Variants in CMTM4 observed in about 807,000 individuals in gnomAD.
CMTM4 encodes CKLF-like MARVEL transmembrane domain-containing protein 4.
A neutral mutation model predicts 19.0 loss-of-function variants in CMTM4; 8 were observed. That is an observed-to-expected ratio of 0.42 (90% CI 0.25 to 0.76). The LOEUF (loss-of-function observed/expected upper bound fraction) is 0.76. Ranked by LOEUF, CMTM4 falls within the 30% of genes least tolerant of loss-of-function variation. The pLI is 0.27. For missense variants in CMTM4, 228 were observed against 290.2 expected (o/e 0.79, Z 1.56); for synonymous variants, 106 against 121.1 (o/e 0.88, Z 0.82).
chr16:66,623,563 A>G, intron 2 of CMTM4, 61 bp from the exon 3 acceptor site: 2 of 1,238,444 alleles, frequency 1.6e-6, no homozygotes, highest in South Asian at 2.7e-5. Flanking sequence ...CTCTAAAAGC[A>G]ACTGGAGAAC....
downstream of CMTM4, chr16:66,612,705 T>C (rs2015426874): frequency 2.0e-6 from 3 of 1,513,986 alleles, no homozygotes; most frequent in Non-Finnish European, 2.7e-6. This position sits in a 1 kb window ranked among gnomAD's most constrained non-coding sequence, Gnocchi z 6.0. Context: ...CAGGGGTCGC[T>C]GGCGTTGGAG....
chr16:66,690,957 T>C (rs1026236219), intron 1 of CMTM4, among the ~76,000 whole-genome samples: 1 of 145,152 alleles, frequency 6.9e-6, no homozygotes, highest in African/African-American at 2.5e-5. Flanking sequence ...TCTACAAAAA[T>C]AAAAAAAAAA....
At chr16:66,688,482 G>T (rs758140375) in intron 1 of CMTM4, among the ~76,000 whole-genome samples, 1 of 151,718 alleles carries the variant, frequency 6.6e-6, no homozygotes, top group African/African-American at 2.4e-5. Flanking sequence ...TCTCATGGCC[G>T]ATAAGAGATA....
chr16:66,627,286 C>T (rs1326760707), intron 2 of CMTM4, among the ~76,000 whole-genome samples: 1 of 152,114 alleles, frequency 6.6e-6, no homozygotes, highest in Non-Finnish European at 1.5e-5. Context: ...AATGAAAAAG[C>T]ATGATTTTAA....
intron 1 of CMTM4, among the ~76,000 whole-genome samples, chr16:66,692,842 G>T (rs1315777903): frequency 6.6e-6 from 1 of 151,712 alleles, no homozygotes; most frequent in African/African-American, 2.4e-5. Context: ...GGGAGGTGGA[G>T]GCTGCAGTGA....
rs950891715 is a variant in CMTM4 at position 66,674,434 on chromosome 16, G to A, written c.186+21906C>T. ...CAGATGGTCACAAAGGCCCCTCGGTGCACACACCCAGACAGGGACAACTAC... is the reference window on the plus strand; with the variant it reads ...CAGATGGTCACAAAGGCCCCTCGGTACACACACCCAGACAGGGACAACTAC... On this transcript the variant is annotated intron_variant, in intron 1 of 3. Coordinates refer to ENST00000394106, the MANE Select transcript of CMTM4 (RefSeq NM_181521.3). Among the ~76,000 whole-genome samples, 14 of 152,262 alleles carry A rather than the reference G, an allele frequency of 9.2e-5. No homozygotes were observed. The South Asian group carries it at 2.7e-3, about 29-fold the overall frequency.
the CMTM4 span, among the ~76,000 whole-genome samples, chr16:66,601,105 G>GTA: frequency 2.1e-5 from 3 of 145,100 alleles, no homozygotes; most frequent in African/African-American, 5.4e-5. Context: ...GTGTGTGTGT[G>GTA]TCTGTGTGTG....
Position 66,621,151 on chromosome 16 carries a change from TGTGTGCATGTGTGCGCGCACGC to T in CMTM4, c.*885_*906del. ...CACATCCCTAAAATAGAGGGGTGTG[TGTGTGCATGTGTGCGCGCACGC>T]GTGTGCATGCTGTTTTTTAACACAA... On this transcript the variant is annotated 3_prime_UTR_variant, in exon 4 of 4. Transcript: ENST00000394106. The T allele has an allele frequency of 1.0e-6, 1 of 985,762 alleles. No individual in the cohort carries two copies. Among genetic ancestry groups the T allele is most frequent in the African/African-American group, 1.7e-5 (1 of 57,376 alleles). The allele number at this position is 985,762 out of a possible 1,614,324, so 61.1% of individuals were successfully genotyped here.
intron 1 of CMTM4, among the ~76,000 whole-genome samples, chr16:66,644,532 T>A (rs936640671): frequency 2.0e-5 from 3 of 152,244 alleles, no homozygotes; most frequent in African/African-American, 4.8e-5. Context: ...CCCTTTGTCA[T>A]TTAGTGTGTT....
chr16:66,623,411 G>C lies in CMTM4; in HGVS notation c.455C>G (p.Ala152Gly). Residue 152 changes from alanine (A) to glycine (G), a missense_variant, in exon 3 of 4, where the codon GCT (alanine) becomes GGT (glycine). By Grantham distance (60) the Ala-to-Gly change is moderately conservative. This residue lies in a region of CMTM4 where 200 missense variants were observed against 226.6 expected (regional missense o/e 0.88). Transcript: ENST00000394106. ...ALNHRAGAEI[A>G]AVIFGFLATA... ...CCATTTGAGTTTGCTTACCACGGCA[G>C]CAATTTCTGCTCCGGCTCTATGGTT... is the stretch of plus-strand genomic sequence containing the variant. 1 of 1,612,310 alleles carries C rather than the reference G, an allele frequency of 6.2e-7. No individual in the cohort carries two copies. The highest frequency in any genetic ancestry group is 1.3e-5 in the African/African-American group (1 of 74,866).
chr16:66,659,923 T>C (rs1264941308), intron 1 of CMTM4, among the ~76,000 whole-genome samples: 1 of 152,140 alleles, frequency 6.6e-6, no homozygotes, highest in Non-Finnish European at 1.5e-5. Flanking sequence ...TTTTTAAAAA[T>C]GTTGAAGAAC....
chr16:66,661,996 C>A (rs775316965), intron 1 of CMTM4, among the ~76,000 whole-genome samples: 33 of 151,690 alleles, frequency 2.2e-4, no homozygotes, highest in Non-Finnish European at 3.7e-4. Context: ...AAACAAAAAA[C>A]CAAAACACCA....
chr16:66,619,599 A>C lies in CMTM4; in HGVS notation c.*2459T>G. On this transcript the variant is annotated 3_prime_UTR_variant, in exon 4 of 4. Transcript: ENST00000394106. ...TCTTCTGTTTGCATATAGAGGCAAT[A>C]TAAGAAAAATATAGGCGTCTTCATA... is the stretch of plus-strand genomic sequence containing the variant. 1 of 985,376 alleles carries C rather than the reference A, an allele frequency of 1.0e-6. No individual in the cohort carries two copies. Among genetic ancestry groups the C allele is most frequent in the Non-Finnish European group, 1.2e-6 (1 of 829,934 alleles). The allele number at this position is 985,376 out of a possible 1,614,324, so 61.0% of individuals were successfully genotyped here. A position where few individuals can be genotyped will look rare whatever the true frequency, so the allele number is the denominator to read the frequency against.
At chr16:66,650,627 C>T (rs1329901809) in intron 1 of CMTM4, among the ~76,000 whole-genome samples, 1 of 152,148 alleles carries the variant, frequency 6.6e-6, no homozygotes, top group Non-Finnish European at 1.5e-5. Flanking sequence ...TCTTAACAGT[C>T]CTGAAAAGCC....
Position 66,621,236 on chromosome 16 carries a change from G to A in CMTM4, c.*822C>T, listed in dbSNP as rs1361052853. ...TGCGGTTCATGAAGCCAGCAAATGG[G>A]CAAGTGCTTTGGCTGGTGGAGTAGG... On this transcript the variant is annotated 3_prime_UTR_variant, in exon 4 of 4. Coordinates refer to ENST00000394106, the MANE Select transcript of CMTM4 (RefSeq NM_181521.3). 1 of 985,586 alleles carries A rather than the reference G, an allele frequency of 1.0e-6. No individual in the cohort carries two copies. Among genetic ancestry groups the A allele is most frequent in the African/African-American group, 1.7e-5 (1 of 57,374 alleles). The allele number at this position is 985,586 out of a possible 1,614,324, so 61.1% of individuals were successfully genotyped here. A position where few individuals can be genotyped will look rare whatever the true frequency, so the allele number is the denominator to read the frequency against.
At chr16:66,675,809 G>A (rs578228890) in intron 1 of CMTM4, among the ~76,000 whole-genome samples, 1 of 152,190 alleles carries the variant, frequency 6.6e-6, no homozygotes, top group Admixed American at 6.5e-5. Flanking sequence ...CACGACAAGT[G>A]GGGGCCTGTT....
intron 1 of CMTM4, among the ~76,000 whole-genome samples, chr16:66,693,533 A>T (rs1049693766): frequency 6.6e-6 from 1 of 152,178 alleles, no homozygotes; most frequent in Admixed American, 6.5e-5. Flanking sequence ...AATTTCTTGG[A>T]GTTTTGTGGG....
At chr16:66,685,800 C>T (rs2017020118) in intron 1 of CMTM4, among the ~76,000 whole-genome samples, 1 of 152,168 alleles carries the variant, frequency 6.6e-6, no homozygotes, top group Non-Finnish European at 1.5e-5. Flanking sequence ...TAGGCCACCA[C>T]ACCCGGATAA....
chr16:66,621,284 C>T lies in CMTM4; in HGVS notation c.*774G>A. ...AGGCTTGTTTCTTTCATGGCTTTTA[C>T]CTGAGAAGGTAAAATGACTGAAAAT... On this transcript the variant is annotated 3_prime_UTR_variant, in exon 4 of 4. Transcript: ENST00000394106. The T allele has an allele frequency of 3.0e-6, 3 of 985,478 alleles. No homozygotes were observed. Among genetic ancestry groups the T allele is most frequent in the Non-Finnish European group, 3.6e-6 (3 of 829,928 alleles). 61.0% of individuals were successfully genotyped at this position (985,478 alleles called of 1,614,324 possible).
Sources: gnomAD v4.1 joint callset for allele counts (sites outside exome capture counted in the v4.1 genomes callset) on GRCh38, gnomAD v4.1.1 for gene constraint, gnomAD v4.1.1 regional missense constraint, Gnocchi (gnomAD v3.1) non-coding constraint, MANE v1.5 for transcripts, NCBI Gene and HGNC (gene_info 2026-07-23, HGNC 2026-07-21) for gene names.